The following PLXDC2 variants were observed in gnomAD, a reference collection of about 807,000 sequenced individuals.
The protein encoded by PLXDC2 is plexin domain-containing protein 2.
A neutral mutation model predicts 68.9 loss-of-function variants in PLXDC2; 40 were observed. The observed-to-expected ratio is 0.58, with a 90% CI of 0.45 to 0.76. The LOEUF (loss-of-function observed/expected upper bound fraction) is 0.76, where lower values mean the gene tolerates loss of function less well. Among genes scored for constraint, PLXDC2 ranks in the 30% least tolerant of loss-of-function variants. PLXDC2 has a pLI of 0.00. For missense variants in PLXDC2, 644 were observed against 661.9 expected, an observed-to-expected ratio of 0.97 and a Z score of 0.30; for synonymous variants, 243 against 234.2, an observed-to-expected ratio of 1.04 and a Z score of -0.34.
chr10:19,820,603 C>T (rs575906675), intron 1 of PLXDC2, among the ~76,000 whole-genome samples: 2,579 of 148,136 alleles, frequency 0.017, 29 homozygotes, highest in Non-Finnish European at 0.021. Context: ...CACTGCAGTC[C>T]GCAGTCCGGC....
rs536997304 is a variant in PLXDC2 at position 20,219,114 on chromosome 10, T to A, written c.1312+12T>A. On this transcript the variant is annotated intron_variant, in intron 12 of 13. Coordinates refer to ENST00000377252, the MANE Select transcript of PLXDC2 (RefSeq NM_032812.9). ...AAAAGATAATGGAGGTAGGAATTGA[T>A]ACTTTTCTTTCATAAACATCTTTTA... 3 of 1,599,756 alleles carry A rather than the reference T, an allele frequency of 1.9e-6. No individual in the cohort carries two copies. The South Asian group carries it at 3.4e-5, about 18-fold the overall frequency.
At position 20,147,832 on chromosome 10, in the gene PLXDC2, A is replaced by G; in HGVS notation, c.713A>G (p.Tyr238Cys). 6.2e-7 allele frequency: 1 copy of G among 1,613,624 alleles called. No individual in the cohort carries two copies. The highest frequency in any genetic ancestry group is 1.1e-5 in the South Asian group (1 of 91,068). The change falls in exon 6 of 14, where the codon TAT becomes TGT. Residue 238 changes from tyrosine to cysteine, a missense_variant. Tyr to Cys is a radical substitution (Grantham distance 194). Coordinates refer to ENST00000377252, the MANE Select transcript of PLXDC2 (RefSeq NM_032812.9). Reference sequence around the variant, plus strand: ...GACCATGTACATCTCCAGGATAATTATAACCTGGGAAGCTTCACATTCCAG... The same window carrying G: ...GACCATGTACATCTCCAGGATAATTGTAACCTGGGAAGCTTCACATTCCAG... ...QWDHVHLQDN[Y>C]NLGSFTFQAT...
chr10:20,282,897 C>G lies in PLXDC2; in HGVS notation c.*3078C>G, dbSNP rs1454402498. The G allele has an allele frequency of 6.6e-6, 1 of 152,156 alleles. No individual in the cohort carries two copies. The highest frequency in any genetic ancestry group is 2.4e-5 in the African/African-American group (1 of 41,426). The allele number at this position is 152,156 out of a possible 1,614,324, so 9.4% of individuals were successfully genotyped here. ...CTTATATGTAGCTTCTAGAGTTGTGCTGTCCAATATTATATCCACTAGCCA... is the reference window on the plus strand; with the variant it reads ...CTTATATGTAGCTTCTAGAGTTGTGGTGTCCAATATTATATCCACTAGCCA... On this transcript the variant is annotated 3_prime_UTR_variant, in exon 14 of 14. Coordinates refer to ENST00000377252, the MANE Select transcript of PLXDC2 (RefSeq NM_032812.9).
At chr10:20,273,293 A>G (rs1311283853) in intron 13 of PLXDC2, among the ~76,000 whole-genome samples, 1 of 152,108 alleles carries the variant, frequency 6.6e-6, no homozygotes, top group Non-Finnish European at 1.5e-5. Context: ...GCATGATTGT[A>G]TATCGACAAA....
chr10:19,963,253 C>T (rs940443128), intron 1 of PLXDC2, among the ~76,000 whole-genome samples: 1 of 152,134 alleles, frequency 6.6e-6, no homozygotes, highest in African/African-American at 2.4e-5. Context: ...CTTTCCATTA[C>T]TTTTATTTTC....
chr10:19,839,488 C>T (rs1396912602), intron 1 of PLXDC2, among the ~76,000 whole-genome samples: 1 of 152,188 alleles, frequency 6.6e-6, no homozygotes, highest in Non-Finnish European at 1.5e-5. Context: ...CTAGACTCAG[C>T]TCACAGGGGC....
intron 1 of PLXDC2, among the ~76,000 whole-genome samples, chr10:19,914,299 C>A (rs1304137480): frequency 6.6e-6 from 1 of 151,888 alleles, no homozygotes; most frequent in African/African-American, 2.4e-5. Context: ...AATTTTAATT[C>A]TGAAAAGAAG....
chr10:20,050,700 A>T (rs7071668), intron 3 of PLXDC2, among the ~76,000 whole-genome samples: 108,165 of 151,752 alleles, frequency 0.71, 39,616 homozygotes, highest in East Asian at 0.88. Flanking sequence ...AAAGTAAAAA[A>T]AAAAACAAAA....
intron 1 of PLXDC2, among the ~76,000 whole-genome samples, chr10:19,949,123 CAAAA>C (rs60138814): frequency 2.2e-3 from 180 of 82,908 alleles, no homozygotes; most frequent in South Asian, 4.0e-3. Flanking sequence ...GAGACTTTGT[CAAAA>C]AAAAAAAAAA....
intron 1 of PLXDC2, among the ~76,000 whole-genome samples, chr10:19,867,711 C>T (rs980470412): frequency 6.6e-6 from 1 of 152,046 alleles, no homozygotes; most frequent in Non-Finnish European, 1.5e-5. Flanking sequence ...CTTCCATATT[C>T]AGACCAACAG....
intron 12 of PLXDC2, among the ~76,000 whole-genome samples, chr10:20,242,084 AT>A (rs1424757585): frequency 6.6e-6 from 1 of 152,184 alleles, no homozygotes; most frequent in Non-Finnish European, 1.5e-5. Context: ...TGACTCAAAA[AT>A]ATCTACTATT....
intron 4 of PLXDC2, among the ~76,000 whole-genome samples, chr10:20,118,840 A>C (rs1833656522): frequency 6.6e-6 from 1 of 152,198 alleles, no homozygotes; most frequent in African/African-American, 2.4e-5. Context: ...GAAGGCAGGG[A>C]ACTGAATATC....
intron 4 of PLXDC2, among the ~76,000 whole-genome samples, chr10:20,128,834 A>AGGG (rs1222330978): frequency 5.9e-5 from 9 of 152,136 alleles, no homozygotes; most frequent in African/African-American, 1.9e-4. Context: ...TAAAGGCTGA[A>AGGG]TAGTATTCCA....
intron 4 of PLXDC2, among the ~76,000 whole-genome samples, chr10:20,086,957 G>T (rs1589622778): frequency 6.6e-6 from 1 of 152,074 alleles, no homozygotes; most frequent in Non-Finnish European, 1.5e-5. Context: ...TAAGGCAAAA[G>T]AACATAGAAG....
chr10:20,278,420 T>C (rs1165636658), intron 13 of PLXDC2, among the ~76,000 whole-genome samples: 1 of 152,172 alleles, frequency 6.6e-6, no homozygotes, highest in Non-Finnish European at 1.5e-5. Flanking sequence ...TTTCCATTGT[T>C]GATGATTTCA....
At chr10:20,250,969 A>G (rs1276478592) in intron 13 of PLXDC2, among the ~76,000 whole-genome samples, 3 of 152,162 alleles carry the variant, frequency 2.0e-5, no homozygotes, top group Non-Finnish European at 2.9e-5. Flanking sequence ...AAATACTTAC[A>G]TGGGCTTTAG....
intron 2 of PLXDC2, among the ~76,000 whole-genome samples, chr10:20,046,070 C>A (rs905914273): frequency 6.6e-6 from 1 of 152,050 alleles, no homozygotes; most frequent in Non-Finnish European, 1.5e-5. Context: ...TATATTGTGT[C>A]CATTTCTAGG....
chr10:19,938,151 G>A (rs890587961), intron 1 of PLXDC2, among the ~76,000 whole-genome samples: 9 of 152,036 alleles, frequency 5.9e-5, no homozygotes, highest in African/African-American at 1.5e-4. Context: ...TCTTACCTTG[G>A]CATAATTTGC....
intron 1 of PLXDC2, among the ~76,000 whole-genome samples, chr10:19,979,413 T>G (rs1291526915): frequency 1.3e-5 from 2 of 151,910 alleles, no homozygotes; most frequent in Non-Finnish European, 1.5e-5. Flanking sequence ...GAGTCTTGCT[T>G]TGTGGCCCAA....
Sources: gnomAD v4.1 joint callset for allele counts (sites outside exome capture counted in the v4.1 genomes callset) on GRCh38, gnomAD v4.1.1 for gene constraint, MANE v1.5 for transcripts, NCBI Gene and HGNC (gene_info 2026-07-23, HGNC 2026-07-21) for gene names.